Variants in APBB2 observed in about 807,000 individuals in gnomAD.
APBB2 encodes Fe65-like 1.
In APBB2, 38 loss-of-function variants were observed where a neutral mutation model predicts 82.5. The observed-to-expected ratio is 0.46, with a 90% CI of 0.36 to 0.60. APBB2 has a LOEUF of 0.60. Ranked by LOEUF, APBB2 falls within the 20% of genes least tolerant of loss-of-function variation. APBB2 has a pLI of 0.00. For synonymous variants in APBB2, 341 were observed against 368.2 expected, an observed-to-expected ratio of 0.93 and a Z score of 0.85; for missense variants, 772 against 972.3, an observed-to-expected ratio of 0.79 and a Z score of 2.74.
intron 12 of APBB2, among the ~76,000 whole-genome samples, chr4:40,855,848 C>T (rs1260966457): frequency 6.6e-6 from 1 of 152,170 alleles, no homozygotes; most frequent in Non-Finnish European, 1.5e-5. Flanking sequence ...AAGTCTTTCC[C>T]CTCTTAAGCA....
intron 12 of APBB2, among the ~76,000 whole-genome samples, chr4:40,875,164 T>C (rs1467889993): frequency 2.0e-5 from 3 of 152,220 alleles, no homozygotes; most frequent in Non-Finnish European, 4.4e-5. Context: ...GAACATGTCA[T>C]GTCTTTTTAC....
intron 1 of APBB2, among the ~76,000 whole-genome samples, chr4:41,193,003 T>C (rs549799267): frequency 6.6e-6 from 1 of 152,334 alleles, no homozygotes; most frequent in East Asian, 1.9e-4. Context: ...CCATTTGATT[T>C]CTAGTAGTGA....
At position 41,050,091 on chromosome 4, in the gene APBB2, G is replaced by A. The variant is rs557753605; in HGVS notation, c.-51+15485C>T. On this transcript the variant is annotated intron_variant, in intron 4 of 17. Transcript: ENST00000508593. Reference sequence around the variant, plus strand: ...ATGACCCTGCCAAATCCCCCTCTGCGAGAAACACCCAAGAATGATCAATAA... The same window carrying A: ...ATGACCCTGCCAAATCCCCCTCTGCAAGAAACACCCAAGAATGATCAATAA... Among the ~76,000 whole-genome samples the A allele has an allele frequency of 2.0e-4, 31 of 151,404 alleles. No homozygotes were observed. In the East Asian group the frequency reaches 4.6e-3, roughly 23 times the overall value.
chr4:40,951,365 T>A (rs940524199), intron 6 of APBB2, among the ~76,000 whole-genome samples: 3 of 152,220 alleles, frequency 2.0e-5, no homozygotes, highest in African/African-American at 7.2e-5. Context: ...TATGCCGGAA[T>A]AGAAAGCCGG....
At chr4:41,206,969 G>A (rs570289326) in intron 1 of APBB2, among the ~76,000 whole-genome samples, 176 of 152,026 alleles carry the variant, frequency 1.2e-3, no homozygotes, top group Middle Eastern at 3.4e-3. Context: ...AGGCTGAGGC[G>A]GGCAGATCAC....
chr4:41,059,978 T>C (rs942700951), intron 4 of APBB2, among the ~76,000 whole-genome samples: 1 of 139,626 alleles, frequency 7.2e-6, no homozygotes, highest in African/African-American at 2.5e-5. Flanking sequence ...CAAAACTCCG[T>C]CTCAAAAAAA....
chr4:40,849,572 A>G (rs901081338), intron 12 of APBB2, among the ~76,000 whole-genome samples: 3 of 152,190 alleles, frequency 2.0e-5, no homozygotes, highest in African/African-American at 7.2e-5. Context: ...ACATTCCCAT[A>G]CCTGCTGAGG....
At chr4:41,181,243 T>C (rs761097298) in intron 1 of APBB2, among the ~76,000 whole-genome samples, 11 of 152,154 alleles carry the variant, frequency 7.2e-5, no homozygotes, top group Non-Finnish European at 1.5e-4. Context: ...GTTGGGGAAG[T>C]TGCCAGGGGC....
intron 3 of APBB2, among the ~76,000 whole-genome samples, chr4:41,081,395 A>G (rs1329214156): frequency 1.3e-5 from 2 of 152,230 alleles, no homozygotes; most frequent in African/African-American, 4.8e-5. Context: ...AAAAAGGGAA[A>G]AAAAATCCCA....
intron 1 of APBB2, among the ~76,000 whole-genome samples, chr4:41,207,427 C>G (rs1030601132): frequency 6.6e-6 from 1 of 152,078 alleles, no homozygotes; most frequent in Admixed American, 6.5e-5. Flanking sequence ...ATGGCTTTCA[C>G]CCATCACCAT....
intron 6 of APBB2, among the ~76,000 whole-genome samples, chr4:40,988,179 T>A (rs1800920974): frequency 6.6e-6 from 1 of 152,204 alleles, no homozygotes; most frequent in Admixed American, 6.5e-5. Flanking sequence ...CAAAGTCATA[T>A]CAAAGCCACA....
intron 10 of APBB2, among the ~76,000 whole-genome samples, chr4:40,897,307 G>C (rs1773936947): frequency 6.6e-6 from 1 of 152,100 alleles, no homozygotes; most frequent in African/African-American, 2.4e-5. Context: ...AGTTCGAGAC[G>C]AGCCTGGCCA....
At chr4:41,168,272 T>A (rs1218082999) in intron 1 of APBB2, among the ~76,000 whole-genome samples, 1 of 148,274 alleles carries the variant, frequency 6.7e-6, no homozygotes, top group Non-Finnish European at 1.5e-5. Context: ...GGCGACAGAG[T>A]GAGACAACGT....
chr4:40,874,077 GAAAGT>G (rs2154342134), intron 12 of APBB2, among the ~76,000 whole-genome samples: 1 of 152,274 alleles, frequency 6.6e-6, no homozygotes, highest in East Asian at 1.9e-4. Flanking sequence ...ATAAGGAAGA[GAAAGT>G]AATTCTATAA....
At chr4:41,029,217 A>G (rs560287307) in intron 5 of APBB2, among the ~76,000 whole-genome samples, 4 of 152,242 alleles carry the variant, frequency 2.6e-5, no homozygotes, top group Non-Finnish European at 5.9e-5. Flanking sequence ...GAACTAGATT[A>G]CAAAATATTA....
chr4:41,093,000 C>G (rs901599618), intron 3 of APBB2, among the ~76,000 whole-genome samples: 1 of 152,088 alleles, frequency 6.6e-6, no homozygotes, highest in African/African-American at 2.4e-5. Context: ...ACTGAGGCTA[C>G]GAGAGCTATT....
rs113576869 is a variant in APBB2 at position 41,053,623 on chromosome 4, C to A, written c.-51+11953G>T. Among the ~76,000 whole-genome samples, 785 of 152,214 alleles carry A rather than the reference C, an allele frequency of 5.2e-3. 3 individuals carry two copies. Among genetic ancestry groups the A allele is most frequent in the Non-Finnish European group, 8.2e-3 (560 of 68,012 alleles). On this transcript the variant is annotated intron_variant, in intron 4 of 17. Coordinates refer to ENST00000508593, the MANE Select transcript of APBB2 (RefSeq NM_004307.2). Reference sequence around the variant, plus strand: ...AGAAATCAGACTATTTATGCTATTACCCCAGTACTGCTATAGTTTCCTATA... The same window carrying A: ...AGAAATCAGACTATTTATGCTATTAACCCAGTACTGCTATAGTTTCCTATA...
chr4:40,879,466 C>T (rs929315043), intron 12 of APBB2, among the ~76,000 whole-genome samples: 17 of 152,062 alleles, frequency 1.1e-4, no homozygotes, highest in African/African-American at 4.1e-4. Context: ...TAGAAAAATA[C>T]AAAGCCATTT....
chr4:41,139,790 C>A (rs1284674865), intron 2 of APBB2, among the ~76,000 whole-genome samples: 1 of 152,088 alleles, frequency 6.6e-6, no homozygotes, highest in Non-Finnish European at 1.5e-5. Flanking sequence ...ACATGCAATT[C>A]TTTTAGGGCA....
Sources: allele counts gnomAD v4.1 joint callset (sites outside exome capture counted in the v4.1 genomes callset), GRCh38; gene constraint gnomAD v4.1.1; transcripts MANE v1.5; gene names NCBI Gene and HGNC (gene_info 2026-07-23, HGNC 2026-07-21).